The following KIF26B variants were observed in gnomAD, a reference collection of about 807,000 sequenced individuals.
KIF26B encodes the protein kinesin family member 26B, also known as kinesin-like protein KIF26B.
KIF26B carries 63 observed loss-of-function variants against 151.2 expected under a neutral mutation model. The ratio of observed to expected loss-of-function variants is 0.42; its 90% CI spans 0.34 to 0.51. KIF26B has a LOEUF of 0.51. Ranked by LOEUF, KIF26B falls within the 20% of genes least tolerant of loss-of-function variation. The pLI is 0.07. For missense variants in KIF26B, 2,813 were observed against 2,913.6 expected, an observed-to-expected ratio of 0.97 and a Z score of 0.79; for synonymous variants, 1,357 against 1,262.1, an observed-to-expected ratio of 1.08 and a Z score of -1.59.
In KIF26B at chr1:245,419,701, C is replaced by T. The variant is rs780969160; in HGVS notation, c.1122C>T (p.Ser374=). The T allele has an allele frequency of 1.4e-5, 22 of 1,613,290 alleles. No homozygotes were observed. The highest frequency in any genetic ancestry group is 1.7e-5 in the Admixed American group (1 of 59,944). Residue 374 remains serine (S), a synonymous_variant, in exon 4 of 15, where the codon AGC becomes AGT. Transcript: ENST00000407071. The part of the protein sequence containing the change: ...VPASQGSCVA[S]ETSTGTSVAA... Reference sequence around the variant, plus strand: ...CCTCGCAGGGCTCCTGCGTGGCCAGCGAGACTTCCACAGGCACATCGGTGG... The same window carrying T: ...CCTCGCAGGGCTCCTGCGTGGCCAGTGAGACTTCCACAGGCACATCGGTGG...
At chr1:245,249,052 A>C (rs1337455697) in intron 2 of KIF26B, among the ~76,000 whole-genome samples, 7 of 152,184 alleles carry the variant, frequency 4.6e-5, no homozygotes, top group African/African-American at 1.7e-4. Flanking sequence ...GCAGTGTTAG[A>C]GGAGGTAATG....
intron 3 of KIF26B, among the ~76,000 whole-genome samples, chr1:245,404,131 G>GCAGT (rs2103028445): frequency 1.3e-5 from 2 of 152,184 alleles, no homozygotes; most frequent in Admixed American, 1.3e-4. Context: ...AGGACAGACT[G>GCAGT]AGCTGAGGTG....
intron 9 of KIF26B, among the ~76,000 whole-genome samples, chr1:245,624,320 T>C (rs2043699509): frequency 1.3e-5 from 2 of 151,764 alleles, no homozygotes; most frequent in Non-Finnish European, 2.9e-5. Flanking sequence ...GGCTGTACCA[T>C]ATAGTAGATG....
At chr1:245,350,138 G>A (rs917826547) in intron 2 of KIF26B, among the ~76,000 whole-genome samples, 7 of 152,000 alleles carry the variant, frequency 4.6e-5, no homozygotes, top group South Asian at 2.1e-4. Context: ...GGAGTTGTCC[G>A]GGTTGGTGGA....
intron 4 of KIF26B, among the ~76,000 whole-genome samples, chr1:245,456,944 C>T (rs1659545980): frequency 6.6e-6 from 1 of 152,246 alleles, no homozygotes; most frequent in South Asian, 2.1e-4. Flanking sequence ...TGGCTCACTG[C>T]AACCTTTGTC....
chr1:245,234,713 C>T (rs1455726301), intron 2 of KIF26B, among the ~76,000 whole-genome samples: 1 of 152,184 alleles, frequency 6.6e-6, no homozygotes, highest in South Asian at 2.1e-4. Flanking sequence ...GAGAAGGGCA[C>T]TGATTTATTC....
At chr1:245,356,886 T>C (rs527316539) in intron 2 of KIF26B, among the ~76,000 whole-genome samples, 1 of 152,252 alleles carries the variant, frequency 6.6e-6, no homozygotes, top group South Asian at 2.1e-4. Context: ...CACTAGATGA[T>C]CCAGGAAGGC....
chr1:245,559,956 ACGTGCCTCC>A (rs1432111621), intron 5 of KIF26B, among the ~76,000 whole-genome samples: 1 of 151,686 alleles, frequency 6.6e-6, no homozygotes, highest in Non-Finnish European at 1.5e-5. Flanking sequence ...CATGTTACCG[ACGTGCCTCC>A]CGTGCCTCCC....
intron 4 of KIF26B, among the ~76,000 whole-genome samples, chr1:245,532,851 A>G (rs183348673): frequency 1.7e-3 from 264 of 152,308 alleles, no homozygotes; most frequent in Admixed American, 2.3e-3. Context: ...AGAAAATACA[A>G]AGGTGAAGGT....
chr1:245,314,174 G>T (rs1284005010), intron 2 of KIF26B, among the ~76,000 whole-genome samples: 1 of 152,132 alleles, frequency 6.6e-6, no homozygotes, highest in Non-Finnish European at 1.5e-5. Context: ...CAGGCGGGGG[G>T]CGGTGACTCA....
At chr1:245,238,025 C>CAA (rs1553337529) in intron 2 of KIF26B, among the ~76,000 whole-genome samples, 1 of 75,004 alleles carries the variant, frequency 1.3e-5, no homozygotes, top group African/African-American at 4.2e-5. Context: ...GACCCTGTCT[C>CAA]AAAAAAAAAA....
At chr1:245,369,166 AGT>A (rs1252264024) in intron 3 of KIF26B, among the ~76,000 whole-genome samples, 1 of 129,724 alleles carries the variant, frequency 7.7e-6, no homozygotes, top group African/African-American at 3.7e-5. Flanking sequence ...AAAAAAGAAG[AGT>A]GAGAGAGAGA....
chr1:245,481,012 T>C (rs1227892022), intron 4 of KIF26B, among the ~76,000 whole-genome samples: 1 of 151,784 alleles, frequency 6.6e-6, no homozygotes, highest in Non-Finnish European at 1.5e-5. Context: ...ATATTATATT[T>C]AAGATTTGGC....
At chr1:245,254,617 A>G in intron 2 of KIF26B, among the ~76,000 whole-genome samples, 1 of 152,160 alleles carries the variant, frequency 6.6e-6, no homozygotes, top group Non-Finnish European at 1.5e-5. Context: ...GCAGGTTCTT[A>G]GTTCTGGGGG....
rs1660322100 is a variant in KIF26B at position 245,488,129 on chromosome 1, A to G, written c.1167-52638A>G. ...ACAGGTGGAGGTCTCATTATGTTGC[A>G]CAGGCTGGTTTCAAACTCCTGGACT... is the stretch of plus-strand genomic sequence containing the variant. On this transcript the variant is annotated intron_variant, in intron 4 of 14. Transcript: ENST00000407071. This position sits in a 1 kb window ranked among gnomAD's most constrained non-coding sequence, Gnocchi z 4.6. 6.6e-6 allele frequency among the ~76,000 whole-genome samples: 1 copy of G among 151,976 alleles called. No individual in the cohort carries two copies. The highest frequency in any genetic ancestry group is 2.4e-5 in the African/African-American group (1 of 41,390).
intron 2 of KIF26B, among the ~76,000 whole-genome samples, chr1:245,248,387 C>T (rs1317458799): frequency 6.6e-6 from 1 of 152,192 alleles, no homozygotes; most frequent in African/African-American, 2.4e-5. Flanking sequence ...TTCTCACACT[C>T]CTCCAGAGTT....
intron 2 of KIF26B, among the ~76,000 whole-genome samples, chr1:245,335,824 C>A (rs2795076): frequency 1.1e-4 from 12 of 111,930 alleles, no homozygotes; most frequent in Admixed American, 8.7e-4. Flanking sequence ...GAAAGAAGAG[C>A]CCCACGCGGA....
Position 245,352,685 on chromosome 1 carries a change from C to T in KIF26B, c.466-14149C>T, listed in dbSNP as rs921771407. On this transcript the variant is annotated intron_variant, in intron 2 of 14. Coordinates refer to ENST00000407071, the MANE Select transcript of KIF26B (RefSeq NM_018012.4). The surrounding 1 kb of genome is among the most constrained non-coding windows in gnomAD (Gnocchi z 5.0). ...TTTTTTAACTTTTTCAGAATCGATT[C>T]AAGGAAAAGTGATAGAGGCAGGTGG... 1.3e-5 allele frequency among the ~76,000 whole-genome samples: 2 copies of T among 152,062 alleles called. No individual in the cohort carries two copies. Among genetic ancestry groups the T allele is most frequent in the African/African-American group, 4.8e-5 (2 of 41,392 alleles).
At chr1:245,253,850 C>T (rs1286086195) in intron 2 of KIF26B, among the ~76,000 whole-genome samples, 11 of 127,056 alleles carry the variant, frequency 8.7e-5, no homozygotes, top group Admixed American at 2.9e-4. Context: ...CGCTCTGCTG[C>T]GCAGGCTGGA....
Sources: allele counts gnomAD v4.1 joint callset (sites outside exome capture counted in the v4.1 genomes callset), GRCh38; gene constraint gnomAD v4.1.1; non-coding constraint Gnocchi (gnomAD v3.1); transcripts MANE v1.5; gene names NCBI Gene and HGNC (gene_info 2026-07-23, HGNC 2026-07-21).